TIMM23: variants seen among roughly 807,000 people sequenced by gnomAD.
The protein encoded by TIMM23 is mitochondrial import inner membrane translocase subunit Tim23.
In TIMM23, 19 loss-of-function variants were observed where a neutral mutation model predicts 30.7. The observed-to-expected ratio is 0.62, with a 90% CI of 0.43 to 0.91. TIMM23 has a LOEUF of 0.91. Among genes scored for constraint, TIMM23 ranks in the 40% least tolerant of loss-of-function variants. The pLI is 0.00. For missense variants in TIMM23, 202 were observed against 269.2 expected (o/e 0.75, Z 1.75); for synonymous variants, 78 against 98.5 (o/e 0.79, Z 1.23).
Position 45,988,759 on chromosome 10 carries a change from T to G in TIMM23, c.426T>G (p.Gly142=). Residue 142 remains glycine (G), a synonymous_variant, in exon 6 of 7, where the codon GGT becomes GGG. Transcript: ENST00000580018. The part of the protein sequence containing the change: ...GSLALLYSAF[G]VIIEKTRGAE... ...TAGCTTTGCTCTATAGTGCATTTGG[T>G]GTCATCATTGAGAAAACACGAGGTG... The G allele has an allele frequency of 6.2e-7, 1 of 1,613,908 alleles. No homozygotes were observed. The highest frequency in any genetic ancestry group is 8.5e-7 in the Non-Finnish European group (1 of 1,179,810).
chr10:45,982,360 A>G (rs1837875034), intron 2 of TIMM23, among the ~76,000 whole-genome samples, 163 bp from the exon 3 acceptor site: 1 of 152,242 alleles, frequency 6.6e-6, no homozygotes, highest in Non-Finnish European at 1.5e-5. Context: ...ACTTTGATTT[A>G]GGTGTTACTG....
intron 2 of TIMM23, among the ~76,000 whole-genome samples, chr10:45,980,440 C>T (rs1382830795): frequency 6.6e-6 from 1 of 151,640 alleles, no homozygotes; most frequent in African/African-American, 2.4e-5. Flanking sequence ...CTTACTAATG[C>T]TTTTGTATTG....
chr10:46,002,516 A>G, intron 6 of TIMM23: 1 of 984,458 alleles, frequency 1.0e-6, no homozygotes, highest in Non-Finnish European at 1.2e-6. Flanking sequence ...CCAGAGTCCA[A>G]AGGTTGTTAA....
intron 2 of TIMM23, among the ~76,000 whole-genome samples, chr10:45,978,615 C>T (rs1837747453): frequency 1.6e-4 from 25 of 152,084 alleles, no homozygotes; most frequent in Non-Finnish European, 1.5e-5. Flanking sequence ...CCACGGGGAT[C>T]ACTATAATCA....
intron 2 of TIMM23, among the ~76,000 whole-genome samples, chr10:45,976,603 C>T (rs1389315202): frequency 6.6e-6 from 1 of 152,122 alleles, no homozygotes; most frequent in African/African-American, 2.4e-5. Flanking sequence ...AGAGTAAGAC[C>T]CTATCTCTAA....
chr10:45,981,628 C>T (rs1349464322), intron 2 of TIMM23, among the ~76,000 whole-genome samples: 20 of 152,002 alleles, frequency 1.3e-4, no homozygotes, highest in African/African-American at 1.9e-4. Context: ...TCTGAATCAA[C>T]GTTCAGTATT....
At chr10:45,988,692 A>G in intron 5 of TIMM23, 45 bp from the exon 6 acceptor site, 1 of 1,545,172 alleles carries the variant, frequency 6.5e-7, no homozygotes, top group Non-Finnish European at 8.9e-7. Context: ...ATAATATCAC[A>G]CTTTATCACT....
chr10:45,999,243 C>G (rs1192711808), intron 6 of TIMM23, among the ~76,000 whole-genome samples: 1 of 152,122 alleles, frequency 6.6e-6, no homozygotes, highest in Non-Finnish European at 1.5e-5. Flanking sequence ...TAGGCTCAAG[C>G]AATCCTCTCA....
In TIMM23 at chr10:45,999,858, C is replaced by T. The variant is rs1356852522; in HGVS notation, c.515-3345C>T. On this transcript the variant is annotated intron_variant, in intron 6 of 6. Transcript: ENST00000580018. Reference sequence around the variant, plus strand: ...TAAAAGATGGCCACACCCAGGGGGGCCATCTATAGACCTATACCCCCAGGC... The same window carrying T: ...TAAAAGATGGCCACACCCAGGGGGGTCATCTATAGACCTATACCCCCAGGC... Among the ~76,000 whole-genome samples the T allele has an allele frequency of 2.0e-5, 3 of 152,248 alleles. No homozygotes were observed. In the East Asian group the frequency reaches 5.8e-4, roughly 29 times the overall value.
At chr10:45,974,721 ATAAG>A (rs1457082626) in intron 1 of TIMM23, among the ~76,000 whole-genome samples, 1 of 152,238 alleles carries the variant, frequency 6.6e-6, no homozygotes, top group Non-Finnish European at 1.5e-5. Context: ...AATAGAGAAG[ATAAG>A]TAACACAATT....
rs78415919 is a variant in TIMM23, at chr10:45,990,054, G to A, written c.514+1207G>A. Among the ~76,000 whole-genome samples the A allele has an allele frequency of 4.8e-3, 723 of 151,160 alleles. 5 individuals carry two copies. Among genetic ancestry groups the A allele is most frequent in the East Asian group, 0.019 (98 of 5,164 alleles). ...TCTTTTTAACATCTAAAAGATTTTAGTGATGTGCAACAGTGTTCTATACGT... is the reference window on the plus strand; with the variant it reads ...TCTTTTTAACATCTAAAAGATTTTAATGATGTGCAACAGTGTTCTATACGT... On this transcript the variant is annotated intron_variant, in intron 6 of 6. Coordinates refer to ENST00000580018, the MANE Select transcript of TIMM23 (RefSeq NM_006327.4).
At chr10:45,976,606 A>G (rs1554913173) in intron 2 of TIMM23, among the ~76,000 whole-genome samples, 18 of 152,336 alleles carry the variant, frequency 1.2e-4, no homozygotes, top group African/African-American at 4.1e-4. Context: ...GTAAGACCCT[A>G]TCTCTAAATA....
intron 3 of TIMM23, 79 bp downstream of exon 3, chr10:45,982,695 G>A: frequency 6.3e-7 from 1 of 1,584,630 alleles, no homozygotes; most frequent in East Asian, 2.2e-5. Context: ...CAATTAGAAT[G>A]TTGGTTTCAG....
chr10:46,003,333 CATGA>C lies in TIMM23; in HGVS notation c.*19_*22del, dbSNP rs1554918196. The C allele has an allele frequency of 3.2e-6, 5 of 1,580,778 alleles. No individual in the cohort carries two copies. The highest frequency in any genetic ancestry group is 4.5e-5 in the East Asian group (2 of 44,696). ...AGTCACTCTGAAGATTTTGCCAACT[CATGA>C]ATGGAGGACACTTCAGTAGTCATCT... On this transcript the variant is annotated 3_prime_UTR_variant, in exon 7 of 7. Transcript: ENST00000580018.
chr10:45,998,834 T>C (rs1436439956), intron 6 of TIMM23, among the ~76,000 whole-genome samples: 4 of 117,140 alleles, frequency 3.4e-5, no homozygotes, highest in Non-Finnish European at 7.1e-5. Flanking sequence ...CAAATATCTT[T>C]TTTTTTTTTT....
intron 4 of TIMM23, 63 bp from the exon 5 acceptor site, chr10:45,985,320 T>C (rs1837962505): frequency 6.2e-7 from 1 of 1,609,572 alleles, no homozygotes; most frequent in African/African-American, 1.3e-5. Flanking sequence ...CATTATTGTT[T>C]TTAAAGGTTA....
intron 6 of TIMM23, among the ~76,000 whole-genome samples, chr10:45,993,244 C>CTTTTTTTTTTTTTTTTTTTTTTT (rs782013689): frequency 5.6e-5 from 4 of 72,036 alleles, no homozygotes; most frequent in African/African-American, 2.0e-4. Flanking sequence ...TCTACCATCA[C>CTTTTTTTTTTTTTTTTTTTTTTT]TTTTTTTTTT....
At chr10:45,991,583 T>C (rs1411221030) in intron 6 of TIMM23, among the ~76,000 whole-genome samples, 14 of 152,048 alleles carry the variant, frequency 9.2e-5, no homozygotes, top group Non-Finnish European at 1.3e-4. Context: ...GAAATCCGGT[T>C]TCCACTAAAA....
At chr10:45,976,191 T>C (rs1331147258) in intron 2 of TIMM23, among the ~76,000 whole-genome samples, 1 of 152,048 alleles carries the variant, frequency 6.6e-6, no homozygotes, top group African/African-American at 2.4e-5. Context: ...TGAAAATTAA[T>C]GTATTGTGCC....
Sources: gnomAD v4.1 joint callset for allele counts (sites outside exome capture counted in the v4.1 genomes callset) on GRCh38, gnomAD v4.1.1 for gene constraint, MANE v1.5 for transcripts, NCBI Gene and HGNC (gene_info 2026-07-23, HGNC 2026-07-21) for gene names.